XPR1: variants seen among roughly 807,000 people sequenced by gnomAD.
XPR1 encodes xenotropic and polytropic retrovirus receptor 1.
In XPR1, 28 loss-of-function variants were observed where a neutral mutation model predicts 87.5. That is an observed-to-expected ratio of 0.32 (90% CI 0.24 to 0.44). XPR1 has a LOEUF of 0.44. Ranked by LOEUF, XPR1 falls within the 20% of genes least tolerant of loss-of-function variation. The probability of loss-of-function intolerance (pLI) is 1.00; values close to 1 mark genes in which losing one functional copy is unlikely to be tolerated. For missense variants in XPR1, 559 were observed against 862.3 expected, an observed-to-expected ratio of 0.65 and a Z score of 4.41; for synonymous variants, 300 against 306.1, an observed-to-expected ratio of 0.98 and a Z score of 0.21.
At chr1:180,649,045 G>A (rs546965600) in intron 1 of XPR1, among the ~76,000 whole-genome samples, 4 of 152,220 alleles carry the variant, frequency 2.6e-5, no homozygotes, top group African/African-American at 9.6e-5. Flanking sequence ...ATGTTTGTGG[G>A]AGGAGTATAA....
rs1238742870 is a variant in XPR1, at chr1:180,887,667, G to A, written c.*3601G>A. ...AACTTCCGTCAGAAGCAAAGGTGTGGGAGAACACCATTCACCTCAGTAGTA... is the reference window on the plus strand; with the variant it reads ...AACTTCCGTCAGAAGCAAAGGTGTGAGAGAACACCATTCACCTCAGTAGTA... On this transcript the variant is annotated 3_prime_UTR_variant, in exon 15 of 15. Coordinates refer to ENST00000367590, the MANE Select transcript of XPR1 (RefSeq NM_004736.4). 1 of 152,172 alleles carries A rather than the reference G, an allele frequency of 6.6e-6. No individual in the cohort carries two copies. Among genetic ancestry groups the A allele is most frequent in the Non-Finnish European group, 1.5e-5 (1 of 68,034 alleles). The allele number at this position is 152,172 out of a possible 1,614,324, so 9.4% of individuals were successfully genotyped here.
chr1:180,836,528 G>A lies in XPR1; in HGVS notation c.1313G>A (p.Gly438Glu). The A allele has an allele frequency of 6.2e-7, 1 of 1,613,742 alleles. No individual in the cohort carries two copies. The highest frequency in any genetic ancestry group is 8.5e-7 in the Non-Finnish European group (1 of 1,179,940). ...TTCTTTGAAATCTTCACAGAATCAG[G>A]AATTTGCCACAAATATACATATGGT... ...GLLPNNSEESGICHKYTYGVR... is the reference protein window; with the variant it reads ...GLLPNNSEESEICHKYTYGVR... Residue 438 changes from glycine to glutamate, a missense_variant, in exon 11 of 15, where the codon GGA becomes GAA. Gly to Glu is a moderately conservative substitution (Grantham distance 98, BLOSUM62 -2). Coordinates refer to ENST00000367590, the MANE Select transcript of XPR1 (RefSeq NM_004736.4).
rs1160562972 is a variant in XPR1 at position 180,880,166 on chromosome 1, C to G, written c.1899C>G (p.Pro633=). The change falls in exon 14 of 15, where the codon CCC becomes CCG. Residue 633 remains proline, a synonymous_variant. Coordinates refer to ENST00000367590, the MANE Select transcript of XPR1 (RefSeq NM_004736.4). ...FRAVRDISVA[P]LNADDQTLLE... ...CTGTGCGGGACATCTCTGTGGCCCCCCTGAACGCAGATGATCAGACTCTCC... is the reference window on the plus strand; with the variant it reads ...CTGTGCGGGACATCTCTGTGGCCCCGCTGAACGCAGATGATCAGACTCTCC... 4 of 1,614,150 alleles carry G rather than the reference C, an allele frequency of 2.5e-6. No homozygotes were observed. The highest frequency in any genetic ancestry group is 2.7e-5 in the African/African-American group (2 of 75,032).
chr1:180,737,203 C>G (rs1444058100), intron 2 of XPR1, among the ~76,000 whole-genome samples: 1 of 152,112 alleles, frequency 6.6e-6, no homozygotes, highest in Non-Finnish European at 1.5e-5. Flanking sequence ...GTCATCATGG[C>G]AGTTTTGCTT....
intron 2 of XPR1, among the ~76,000 whole-genome samples, chr1:180,769,377 T>C (rs1648412801): frequency 6.6e-6 from 1 of 151,858 alleles, no homozygotes; most frequent in Non-Finnish European, 1.5e-5. Flanking sequence ...TTTGTGTTTT[T>C]TTTTTTTGTA....
At position 180,652,837 on chromosome 1, in the gene XPR1, TCACA is replaced by T. The variant is rs569319592; in HGVS notation, c.69+20570_69+20573del. On this transcript the variant is annotated intron_variant, in intron 1 of 14. Coordinates refer to ENST00000367590, the MANE Select transcript of XPR1 (RefSeq NM_004736.4). ...AAAACAATAATAAACATTTATTGTC[TCACA>T]CAGTTTCTGTGTAGCATGCGTTTCG... 7.5e-3 allele frequency among the ~76,000 whole-genome samples: 1,135 copies of T among 152,346 alleles called. 3 individuals are homozygous for T. Among genetic ancestry groups the T allele is most frequent in the Non-Finnish European group, 0.011 (741 of 68,024 alleles).
chr1:180,646,152 G>A (rs3903981), intron 1 of XPR1, among the ~76,000 whole-genome samples: 134,846 of 152,262 alleles, frequency 0.89, 60,081 homozygotes, highest in East Asian at 1. Flanking sequence ...ATCCTCTGCT[G>A]TTTCATCCAT....
chr1:180,727,616 C>T (rs2102005084), intron 2 of XPR1, among the ~76,000 whole-genome samples: 1 of 152,250 alleles, frequency 6.6e-6, no homozygotes, highest in African/African-American at 2.4e-5. Context: ...TGCACTGCAG[C>T]CTGGGTGGCA....
At chr1:180,720,102 G>A (rs1300759166) in intron 2 of XPR1, among the ~76,000 whole-genome samples, 2 of 152,182 alleles carry the variant, frequency 1.3e-5, no homozygotes, top group South Asian at 4.1e-4. Context: ...AAGAAGAAAA[G>A]CAGGGAGCAG....
intron 2 of XPR1, among the ~76,000 whole-genome samples, chr1:180,724,029 A>G (rs556671885): frequency 2.4e-4 from 37 of 152,360 alleles, no homozygotes; most frequent in Admixed American, 1.7e-3. Flanking sequence ...ACTTAGTTTA[A>G]TAAAAAACCA....
intron 2 of XPR1, among the ~76,000 whole-genome samples, chr1:180,745,282 A>G (rs981234793): frequency 7.2e-5 from 11 of 152,078 alleles, no homozygotes; most frequent in African/African-American, 1.9e-4. Flanking sequence ...AGCAATTCCT[A>G]TGACTTTGCT....
rs528146037 is a variant in XPR1 at position 180,808,166 on chromosome 1, A to T, written c.681+1609A>T. On this transcript the variant is annotated intron_variant, in intron 6 of 14. Transcript: ENST00000367590. ...GCAAATGATCAATGGACCAGAATAG[A>T]GTGTCCAAAAATAGACTAACATATT... Among the ~76,000 whole-genome samples, 246 of 152,294 alleles carry T rather than the reference A, an allele frequency of 1.6e-3. 1 individual carries two copies. The highest frequency in any genetic ancestry group is 1.8e-3 in the Non-Finnish European group (125 of 68,026).
intron 2 of XPR1, among the ~76,000 whole-genome samples, chr1:180,709,831 A>G (rs1657701137): frequency 6.6e-6 from 1 of 150,658 alleles, no homozygotes; most frequent in Non-Finnish European, 1.5e-5. Context: ...AAAATGTTCA[A>G]ATCTTTTGCC....
chr1:180,656,456 T>TTATTTATACA (rs1557941450), intron 1 of XPR1, among the ~76,000 whole-genome samples: 3 of 3,338 alleles, frequency 9.0e-4, no homozygotes, highest in African/African-American at 2.2e-3. Context: ...TATTTATATA[T>TTATTTATACA]TTATATATAA....
intron 2 of XPR1, among the ~76,000 whole-genome samples, chr1:180,683,881 G>T (rs2101946776): frequency 6.6e-6 from 1 of 152,024 alleles, no homozygotes; most frequent in Admixed American, 6.5e-5. Flanking sequence ...CAGATGAGCA[G>T]GTTGCAAAAA....
chr1:180,770,099 G>GTTGT (rs796294843), intron 2 of XPR1, among the ~76,000 whole-genome samples: 36 of 152,262 alleles, frequency 2.4e-4, no homozygotes, highest in African/African-American at 8.4e-4. Context: ...TATCTCTGTA[G>GTTGT]TTGTCTTTGA....
chr1:180,647,141 G>A (rs941825380), intron 1 of XPR1, among the ~76,000 whole-genome samples: 62 of 152,146 alleles, frequency 4.1e-4, no homozygotes, highest in Non-Finnish European at 5.9e-5. Context: ...TCACAATAGG[G>A]TTCACCCTCC....
chr1:180,637,264 T>A (rs1654816507), intron 1 of XPR1, among the ~76,000 whole-genome samples: 1 of 152,222 alleles, frequency 6.6e-6, no homozygotes, highest in Non-Finnish European at 1.5e-5. Context: ...CTTTGGCAGA[T>A]AATCATTAAT....
chr1:180,814,298 G>A (rs775864386), intron 7 of XPR1, among the ~76,000 whole-genome samples: 1 of 152,174 alleles, frequency 6.6e-6, no homozygotes, highest in African/African-American at 2.4e-5. Flanking sequence ...AGTTTATGAT[G>A]TAGTGTTGCT....
Sources: gnomAD v4.1 joint callset for allele counts (sites outside exome capture counted in the v4.1 genomes callset) on GRCh38, gnomAD v4.1.1 for gene constraint, MANE v1.5 for transcripts, NCBI Gene and HGNC (gene_info 2026-07-23, HGNC 2026-07-21) for gene names.